C2CD3: variants seen among roughly 807,000 people sequenced by gnomAD.
C2CD3 encodes the protein C2 domain containing 3 centriole elongation regulator, also known as C2 domain-containing protein 3.
A neutral mutation model predicts 234.0 loss-of-function variants in C2CD3; 148 were observed. That is an observed-to-expected ratio of 0.63 (90% CI 0.55 to 0.72). The LOEUF is 0.72. C2CD3 is among the 30% of genes least tolerant of loss of function. C2CD3 has a pLI of 0.00. For missense variants in C2CD3, 2,577 were observed against 2,811.5 expected (o/e 0.92, Z 1.89); for synonymous variants, 1,000 against 1,035.4 (o/e 0.97, Z 0.66).
rs774975364 is a variant in C2CD3 at position 74,085,640 on chromosome 11, G to T, written c.3888C>A (p.Val1296=). 1.2e-6 allele frequency: 2 copies of T among 1,614,062 alleles called. No homozygotes were observed. Among genetic ancestry groups the T allele is most frequent in the South Asian group, 2.2e-5 (2 of 91,052 alleles). The change falls in exon 21 of 33, where the codon GTC becomes GTA. Residue 1296 remains valine (V), a synonymous_variant. Coordinates refer to ENST00000334126, the MANE Select transcript of C2CD3 (RefSeq NM_001286577.2). ...LLEFAEVIFA[V]YHENTKSASD... is the part of the protein sequence containing the mutation. Reference sequence around the variant, plus strand: ...CACCTGACTTGGTATTTTCATGATAGACAGCAAAAATAACTTCTGCAAACT... The same window carrying T: ...CACCTGACTTGGTATTTTCATGATATACAGCAAAAATAACTTCTGCAAACT...
rs1954927132 is a variant in C2CD3 at position 74,074,243 on chromosome 11, G to C, written c.4951+10C>G. On this transcript the variant is annotated intron_variant, in intron 24 of 32. Coordinates refer to ENST00000334126, the MANE Select transcript of C2CD3 (RefSeq NM_001286577.2). The stretch of plus-strand genomic sequence containing the variant: ...TTAGACATGCTCCTGGGTAGGTGAG[G>C]AGAGCATACCTTTCAAGCTCAAGTG... The C allele has an allele frequency of 1.3e-6, 2 of 1,592,584 alleles. No homozygotes were observed. Among genetic ancestry groups the C allele is most frequent in the Non-Finnish European group, 1.7e-6 (2 of 1,162,824 alleles).
At chr11:74,061,655 G>A (rs1322553005) in intron 24 of C2CD3, among the ~76,000 whole-genome samples, 1 of 152,180 alleles carries the variant, frequency 6.6e-6, no homozygotes, top group Non-Finnish European at 1.5e-5. Context: ...ACCAGTACTG[G>A]CCGCTCCACA....
intron 31 of C2CD3, 86 bp from the exon 32 acceptor site, chr11:74,028,484 G>A (rs1952395909): frequency 1.3e-6 from 1 of 772,684 alleles, no homozygotes; most frequent in East Asian, 2.7e-5. Flanking sequence ...CATTCACTCT[G>A]CCCCCACTCA....
intron 25 of C2CD3, among the ~76,000 whole-genome samples, chr11:74,056,956 A>G (rs1052329958): frequency 4.7e-5 from 7 of 148,206 alleles, no homozygotes; most frequent in Non-Finnish European, 7.4e-5. Flanking sequence ...GCAAGTCTCG[A>G]ACTCCTGGGC....
chr11:74,094,010 G>T lies in C2CD3; in HGVS notation c.3161-11C>A, dbSNP rs1166645276. ...GCTTCAGAGTAATTCCTTTGGAAAAGAAAAGCATTTCAGAATAATCCAACA... is the reference window on the plus strand; with the variant it reads ...GCTTCAGAGTAATTCCTTTGGAAAATAAAAGCATTTCAGAATAATCCAACA... On this transcript the variant is annotated splice_polypyrimidine_tract_variant and intron_variant, in intron 17 of 32. Coordinates refer to ENST00000334126, the MANE Select transcript of C2CD3 (RefSeq NM_001286577.2). 1 of 1,606,348 alleles carries T rather than the reference G, an allele frequency of 6.2e-7. No individual in the cohort carries two copies. The highest frequency in any genetic ancestry group is 2.2e-5 in the East Asian group (1 of 44,762).
At chr11:74,068,887 C>T (rs185873147) in intron 24 of C2CD3, among the ~76,000 whole-genome samples, 102 of 152,326 alleles carry the variant, frequency 6.7e-4, no homozygotes, top group African/African-American at 2.4e-3. Context: ...CTCACTGCAA[C>T]CTCCACCTCC....
chr11:74,121,423 A>G (rs1413796000), intron 8 of C2CD3, among the ~76,000 whole-genome samples: 1 of 151,742 alleles, frequency 6.6e-6, no homozygotes, highest in Non-Finnish European at 1.5e-5. Flanking sequence ...CCTGGCCAAC[A>G]TGGTGAAGGC....
intron 26 of C2CD3, among the ~76,000 whole-genome samples, chr11:74,052,964 A>C (rs1484289614): frequency 6.6e-6 from 1 of 152,248 alleles, no homozygotes; most frequent in Non-Finnish European, 1.5e-5. Context: ...CCTAGCTGGA[A>C]TCTTAAAGAA....
Position 74,037,983 on chromosome 11 carries a change from C to T in C2CD3, c.5661-285G>A, listed in dbSNP as rs549764220. Among the ~76,000 whole-genome samples the T allele has an allele frequency of 3.3e-5, 5 of 152,288 alleles. No homozygotes were observed. In the South Asian group the frequency reaches 1.0e-3, roughly 32 times the overall value. On this transcript the variant is annotated intron_variant, in intron 29 of 32. Coordinates refer to ENST00000334126, the MANE Select transcript of C2CD3 (RefSeq NM_001286577.2). ...TTCCTCAGAAAGGAACCATTCTTGA[C>T]CACCATTCCAGTCCTTATTTCTGTT...
chr11:74,109,454 G>A, intron 11 of C2CD3: 1 of 252,638 alleles, frequency 4.0e-6, no homozygotes, highest in Non-Finnish European at 7.4e-6. Context: ...ATACTTCACT[G>A]GGTTTTAGGT....
chr11:74,162,002 G>A (rs970005842), intron 2 of C2CD3, among the ~76,000 whole-genome samples: 1 of 151,824 alleles, frequency 6.6e-6, no homozygotes. Context: ...TTTTTGTAGA[G>A]ACAAGGTCTC....
In C2CD3 at chr11:74,085,839, C is replaced by A; in HGVS notation, c.3689G>T (p.Gly1230Val). 6.2e-7 allele frequency: 1 copy of A among 1,614,042 alleles called. No individual in the cohort carries two copies. Among genetic ancestry groups the A allele is most frequent in the Non-Finnish European group, 8.5e-7 (1 of 1,180,010 alleles). ...EPALQFSATV[G>V]VNASVTTHLS... ...ATGAGTGGTGACAGAGGCATTGACCCCGACTGTGGCACTAAACTGTAGAGC... is the reference window on the plus strand; with the variant it reads ...ATGAGTGGTGACAGAGGCATTGACCACGACTGTGGCACTAAACTGTAGAGC... The change falls in exon 21 of 33, where the codon GGG (glycine) becomes GTG (valine). Residue 1230 changes from glycine to valine, a missense_variant. Physicochemically the swap from Gly to Val is moderately radical, Grantham distance 109 (BLOSUM62 -3). Coordinates refer to ENST00000334126, the MANE Select transcript of C2CD3 (RefSeq NM_001286577.2).
chr11:74,051,995 A>T (rs1953713816), intron 26 of C2CD3, among the ~76,000 whole-genome samples: 1 of 152,132 alleles, frequency 6.6e-6, no homozygotes, highest in Non-Finnish European at 1.5e-5. Flanking sequence ...GAGTCTGCAA[A>T]TTTTTTTGTA....
In C2CD3 at chr11:74,162,689, G is replaced by C. The variant is rs114626248; in HGVS notation, c.326-1133C>G. On this transcript the variant is annotated intron_variant, in intron 2 of 32. Transcript: ENST00000334126. Reference sequence around the variant, plus strand: ...ACACTGAGGAAAAAATAAATCAACTGACCAAAAATATTTAGCATAGCAAGT... The same window carrying C: ...ACACTGAGGAAAAAATAAATCAACTCACCAAAAATATTTAGCATAGCAAGT... 9.4e-3 allele frequency among the ~76,000 whole-genome samples: 1,425 copies of C among 152,146 alleles called. 21 individuals carry two copies. Among genetic ancestry groups the C allele is most frequent in the African/African-American group, 0.033 (1,363 of 41,512 alleles).
At chr11:74,125,108 G>C (rs1195905791) in intron 7 of C2CD3, among the ~76,000 whole-genome samples, 1 of 152,166 alleles carries the variant, frequency 6.6e-6, no homozygotes, top group Non-Finnish European at 1.5e-5. Flanking sequence ...ACTCCTCAGA[G>C]GTGATCACTT....
intron 32 of C2CD3, among the ~76,000 whole-genome samples, chr11:74,024,783 C>T (rs563495997): frequency 2.0e-5 from 3 of 152,042 alleles, no homozygotes; most frequent in Non-Finnish European, 2.9e-5. Context: ...CAGCCAGGAG[C>T]GTAAGATTCT....
At chr11:74,119,539 T>C (rs1449522043) in intron 8 of C2CD3, among the ~76,000 whole-genome samples, 1 of 152,218 alleles carries the variant, frequency 6.6e-6, no homozygotes, top group African/African-American at 2.4e-5. Flanking sequence ...TTACCCTTTT[T>C]TCAGCATGTC....
At chr11:74,050,710 T>C (rs1953633285) in intron 26 of C2CD3, among the ~76,000 whole-genome samples, 1 of 151,984 alleles carries the variant, frequency 6.6e-6, no homozygotes, top group African/African-American at 2.4e-5. Context: ...GCATAACATT[T>C]GTTTGGACAG....
At chr11:74,094,308 T>C (rs1302616138) in intron 17 of C2CD3, among the ~76,000 whole-genome samples, 2 of 152,110 alleles carry the variant, frequency 1.3e-5, no homozygotes, top group African/African-American at 2.4e-5. Flanking sequence ...TATTTTTCCA[T>C]GTGCTTATTA....
Sources: allele counts gnomAD v4.1 joint callset (sites outside exome capture counted in the v4.1 genomes callset), GRCh38; gene constraint gnomAD v4.1.1; transcripts MANE v1.5; gene names NCBI Gene and HGNC (gene_info 2026-07-23, HGNC 2026-07-21).